Variants in NKAIN3 observed in about 807,000 individuals in gnomAD.
The protein encoded by NKAIN3 is sodium/potassium-transporting ATPase subunit beta-1-interacting protein 3.
In NKAIN3, 25 loss-of-function variants were observed where a neutral mutation model predicts 30.2. That is an observed-to-expected ratio of 0.83 (90% CI 0.60 to 1.16). NKAIN3 has a LOEUF of 1.16. Among genes scored for constraint, NKAIN3 ranks in the 50% most tolerant of loss-of-function variants. The pLI is 0.00. For missense variants in NKAIN3, 225 were observed against 254.1 expected (o/e 0.89, Z 0.78); for synonymous variants, 91 against 89.6 (o/e 1.02, Z -0.09).
chr8:62,316,493 T>C (rs1005752327), intron 1 of NKAIN3, among the ~76,000 whole-genome samples: 1 of 152,016 alleles, frequency 6.6e-6, no homozygotes, highest in African/African-American at 2.4e-5. Flanking sequence ...GTGTTCTCAT[T>C]GTTCAATTCC....
intron 5 of NKAIN3, among the ~76,000 whole-genome samples, chr8:62,997,397 G>A (rs1356678433): frequency 1.3e-5 from 2 of 151,178 alleles, no homozygotes; most frequent in African/African-American, 4.9e-5. Flanking sequence ...GAATGAAGAG[G>A]TGAACAGAAA....
intron 4 of NKAIN3, among the ~76,000 whole-genome samples, chr8:62,864,443 A>C (rs1042398019): frequency 1.3e-5 from 2 of 152,228 alleles, no homozygotes; most frequent in African/African-American, 2.4e-5. Flanking sequence ...CAGCAACTGG[A>C]CGATGAAGAG....
At chr8:62,500,222 G>A (rs1402328508) in intron 1 of NKAIN3, among the ~76,000 whole-genome samples, 5 of 152,016 alleles carry the variant, frequency 3.3e-5, no homozygotes, top group African/African-American at 9.7e-5. Flanking sequence ...GGCAGAGCCT[G>A]GATTTATTTG....
intron 4 of NKAIN3, among the ~76,000 whole-genome samples, chr8:62,780,915 A>G (rs1817335739): frequency 6.6e-6 from 1 of 152,086 alleles, no homozygotes; most frequent in East Asian, 1.9e-4. Context: ...CTTATTCAAC[A>G]TAGTATAGAA....
intron 4 of NKAIN3, among the ~76,000 whole-genome samples, chr8:62,869,119 T>C (rs1586289975): frequency 6.6e-6 from 1 of 152,140 alleles, no homozygotes; most frequent in African/African-American, 2.4e-5. Context: ...AAAGAAATGG[T>C]GATTCTAAAG....
intron 4 of NKAIN3, among the ~76,000 whole-genome samples, chr8:62,825,143 C>T (rs1414227442): frequency 1.3e-5 from 2 of 152,246 alleles, no homozygotes; most frequent in Non-Finnish European, 2.9e-5. Flanking sequence ...ATGAATGAAA[C>T]CATTCACAGG....
chr8:62,883,457 G>GTTGTTGTTGTTTTTTTTTTTTTTTTTTT, intron 4 of NKAIN3, among the ~76,000 whole-genome samples: 1 of 70,226 alleles, frequency 1.4e-5, no homozygotes, highest in African/African-American at 7.0e-5. Context: ...AGTTTTATGG[G>GTTGTTGTTGTTTTTTTTTTTTTTTTTTT]TTTTTTTTTT....
chr8:62,784,680 T>C (rs995573709), intron 4 of NKAIN3, among the ~76,000 whole-genome samples: 1 of 152,104 alleles, frequency 6.6e-6, no homozygotes, highest in Admixed American at 6.6e-5. Flanking sequence ...CACTGGTGAA[T>C]TCTATCGAAT....
chr8:62,707,052 T>TATACACACACAC (rs1554568660), intron 3 of NKAIN3, among the ~76,000 whole-genome samples: 10 of 99,166 alleles, frequency 1.0e-4, no homozygotes, highest in African/African-American at 3.0e-4. Context: ...CCATCATACA[T>TATACACACACAC]ACATACACAC....
At chr8:62,349,262 AAT>A (rs1379659514) in intron 1 of NKAIN3, among the ~76,000 whole-genome samples, 1 of 152,074 alleles carries the variant, frequency 6.6e-6, no homozygotes, top group Admixed American at 6.6e-5. Context: ...GGGATTCTTT[AAT>A]ATTTAATCCC....
At chr8:62,555,233 G>A (rs1809350656) in intron 1 of NKAIN3, among the ~76,000 whole-genome samples, 1 of 151,858 alleles carries the variant, frequency 6.6e-6, no homozygotes, top group African/African-American at 2.4e-5. Flanking sequence ...AATACATAAA[G>A]AACCAAGGTA....
chr8:62,603,734 T>A (rs1811046542), intron 3 of NKAIN3, among the ~76,000 whole-genome samples: 1 of 152,066 alleles, frequency 6.6e-6, no homozygotes, highest in South Asian at 2.1e-4. Context: ...GTTGTGGTTG[T>A]CACTGCAACT....
Position 62,579,571 on chromosome 8 carries a change from C to T in NKAIN3, c.87C>T (p.Phe29=), listed in dbSNP as rs779361041. Residue 29 remains phenylalanine (F), a synonymous_variant, in exon 2 of 7, where the codon TTC becomes TTT. Coordinates refer to ENST00000623646, the MANE Select transcript of NKAIN3 (RefSeq NM_001304533.3). ...CATTAGAGAGGCAGATCTTTGACTT[C>T]CTTGGTTTCCAGTGGGCGCCTATTC... ...VSALERQIFD[F]LGFQWAPILG... 6.2e-7 allele frequency: 1 copy of T among 1,610,306 alleles called. No individual in the cohort carries two copies. The highest frequency in any genetic ancestry group is 8.5e-7 in the Non-Finnish European group (1 of 1,178,054).
intron 1 of NKAIN3, among the ~76,000 whole-genome samples, chr8:62,487,523 A>G (rs1005933716): frequency 6.6e-6 from 1 of 152,198 alleles, no homozygotes; most frequent in South Asian, 2.1e-4. Flanking sequence ...GCATGTTATA[A>G]TTCCAGCAGT....
chr8:62,347,691 T>C (rs1327206892), intron 1 of NKAIN3, among the ~76,000 whole-genome samples: 1 of 152,112 alleles, frequency 6.6e-6, no homozygotes, highest in Non-Finnish European at 1.5e-5. Flanking sequence ...GGGATGATTT[T>C]TTGAAAAAAT....
intron 3 of NKAIN3, among the ~76,000 whole-genome samples, chr8:62,698,012 T>C (rs1402304638): frequency 6.6e-6 from 1 of 152,078 alleles, no homozygotes; most frequent in Non-Finnish European, 1.5e-5. Context: ...TTTTTAAATA[T>C]AATACACATT....
At chr8:62,764,906 G>T (rs1372239068) in intron 4 of NKAIN3, among the ~76,000 whole-genome samples, 1 of 152,070 alleles carries the variant, frequency 6.6e-6, no homozygotes, top group Non-Finnish European at 1.5e-5. Flanking sequence ...AATTTTTTAG[G>T]TGGGGCTTTG....
At chr8:62,845,672 T>C (rs2130766016) in intron 4 of NKAIN3, among the ~76,000 whole-genome samples, 1 of 152,174 alleles carries the variant, frequency 6.6e-6, no homozygotes, top group Non-Finnish European at 1.5e-5. Context: ...TAATAGGCCA[T>C]ACAGACATGC....
At chr8:62,540,132 T>G (rs889597131) in intron 1 of NKAIN3, among the ~76,000 whole-genome samples, 1 of 152,226 alleles carries the variant, frequency 6.6e-6, no homozygotes, top group Non-Finnish European at 1.5e-5. Flanking sequence ...TTTTCTTCTC[T>G]GTCTCCCATT....
Sources: gnomAD v4.1 joint callset for allele counts (sites outside exome capture counted in the v4.1 genomes callset) on GRCh38, gnomAD v4.1.1 for gene constraint, MANE v1.5 for transcripts, NCBI Gene and HGNC (gene_info 2026-07-23, HGNC 2026-07-21) for gene names.